Variants in AUTS2 observed in about 807,000 individuals in gnomAD.
AUTS2 encodes the protein autism susceptibility gene 2 protein.
A neutral mutation model predicts 112.4 loss-of-function variants in AUTS2; 17 were observed. That is an observed-to-expected ratio of 0.15 (90% CI 0.10 to 0.23). AUTS2 has a LOEUF of 0.23. AUTS2 is among the 10% of genes least tolerant of loss of function. The pLI, the probability that AUTS2 is intolerant of heterozygous loss-of-function variation, is 1.00. For synonymous variants in AUTS2, 751 were observed against 702.7 expected, an observed-to-expected ratio of 1.07 and a Z score of -1.09; for missense variants, 1,510 against 1,701.6, an observed-to-expected ratio of 0.89 and a Z score of 1.98.
At chr7:70,092,172 T>C (rs1329791394) in intron 2 of AUTS2, among the ~76,000 whole-genome samples, 1 of 139,332 alleles carries the variant, frequency 7.2e-6, no homozygotes, top group Non-Finnish European at 1.6e-5. Flanking sequence ...TCCTTTTTAA[T>C]AAACCAGCTT....
intron 5 of AUTS2, among the ~76,000 whole-genome samples, chr7:70,579,905 T>TA (rs1802355516): frequency 6.6e-6 from 1 of 152,198 alleles, no homozygotes; most frequent in South Asian, 2.1e-4. Context: ...ACATGATTCA[T>TA]AATCAGTCTG....
chr7:70,242,538 G>C (rs987663910), intron 4 of AUTS2, among the ~76,000 whole-genome samples: 1 of 152,186 alleles, frequency 6.6e-6, no homozygotes, highest in African/African-American at 2.4e-5. Context: ...TGAAGTGCCT[G>C]ACATGCAGTA....
intron 4 of AUTS2, among the ~76,000 whole-genome samples, chr7:70,397,230 A>T (rs1451276247): frequency 6.6e-6 from 1 of 151,706 alleles, no homozygotes; most frequent in Non-Finnish European, 1.5e-5. Context: ...TGTCTGGCTA[A>T]TTTTTTGTAT....
intron 1 of AUTS2, among the ~76,000 whole-genome samples, chr7:69,646,623 A>G (rs556404929): frequency 1.3e-5 from 2 of 152,352 alleles, no homozygotes; most frequent in East Asian, 1.9e-4. Flanking sequence ...ACAGAGGCTA[A>G]TAACAGACCA....
chr7:70,725,503 A>G (rs1786975013), intron 6 of AUTS2, among the ~76,000 whole-genome samples: 1 of 152,220 alleles, frequency 6.6e-6, no homozygotes, highest in African/African-American at 2.4e-5. Context: ...GACTGTCAAC[A>G]CCAAATGTAC....
At chr7:70,352,671 C>G (rs896107183) in intron 4 of AUTS2, among the ~76,000 whole-genome samples, 2 of 152,044 alleles carry the variant, frequency 1.3e-5, no homozygotes, top group Non-Finnish European at 2.9e-5. Context: ...TGTGCCCTCT[C>G]AGAACTTAAG....
At chr7:69,884,643 T>C (rs1241970296) in intron 1 of AUTS2, among the ~76,000 whole-genome samples, 1 of 152,218 alleles carries the variant, frequency 6.6e-6, no homozygotes, top group Non-Finnish European at 1.5e-5. Context: ...TCACTAAATC[T>C]ATCTATAGGA....
chr7:69,706,455 A>C (rs990349412), intron 1 of AUTS2, among the ~76,000 whole-genome samples: 1 of 152,208 alleles, frequency 6.6e-6, no homozygotes, highest in Admixed American at 6.5e-5. Context: ...GAAGTAGCTC[A>C]GAGACTTGCT....
chr7:70,596,175 G>A (rs1280001287), intron 5 of AUTS2: 2 of 152,962 alleles, frequency 1.3e-5, no homozygotes, highest in African/African-American at 4.8e-5. Context: ...GCGGGCCGGG[G>A]CGGGGCTGGG....
At chr7:70,285,377 G>A (rs1057243288) in intron 4 of AUTS2, among the ~76,000 whole-genome samples, 1 of 152,136 alleles carries the variant, frequency 6.6e-6, no homozygotes, top group African/African-American at 2.4e-5. Context: ...GTTAGTCAGT[G>A]TTTATTTTGT....
At chr7:70,110,667 T>G (rs1805026878) in intron 2 of AUTS2, among the ~76,000 whole-genome samples, 5 of 152,192 alleles carry the variant, frequency 3.3e-5, no homozygotes, top group Admixed American at 3.3e-4. Flanking sequence ...TAGCACAATT[T>G]TAAGTCATTT....
At chr7:69,933,920 T>G (rs1279268743) in intron 2 of AUTS2, among the ~76,000 whole-genome samples, 1 of 152,238 alleles carries the variant, frequency 6.6e-6, no homozygotes, top group East Asian at 1.9e-4. Context: ...CTTTCCGTAC[T>G]TAGAAGACTA....
chr7:70,539,998 A>C (rs993139644), intron 5 of AUTS2, among the ~76,000 whole-genome samples: 1 of 152,110 alleles, frequency 6.6e-6, no homozygotes, highest in Non-Finnish European at 1.5e-5. Flanking sequence ...TTTTCCAGCC[A>C]TTAGCTTTTT....
At chr7:70,375,703 A>C (rs1180881073) in intron 4 of AUTS2, among the ~76,000 whole-genome samples, 1 of 152,198 alleles carries the variant, frequency 6.6e-6, no homozygotes, top group East Asian at 1.9e-4. Flanking sequence ...TTTGAGCAAC[A>C]TTTGGAATAC....
chr7:70,482,798 T>C lies in AUTS2; in HGVS notation c.690+47017T>C, dbSNP rs573875898. On this transcript the variant is annotated intron_variant, in intron 5 of 18. Coordinates refer to ENST00000342771, the MANE Select transcript of AUTS2 (RefSeq NM_015570.4). Reference sequence around the variant, plus strand: ...GTTTATGCAGCCCCATTCCTGCTGCTTTCTCTAATAGTTCTGAAATGGCAA... The same window carrying C: ...GTTTATGCAGCCCCATTCCTGCTGCCTTCTCTAATAGTTCTGAAATGGCAA... 3.3e-5 allele frequency among the ~76,000 whole-genome samples: 5 copies of C among 152,306 alleles called. No homozygotes were observed. The South Asian group carries it at 1.0e-3, about 32-fold the overall frequency.
intron 4 of AUTS2, among the ~76,000 whole-genome samples, chr7:70,158,314 A>G (rs1807891749): frequency 6.6e-6 from 1 of 152,174 alleles, no homozygotes; most frequent in South Asian, 2.1e-4. Context: ...TTTGTGGAAG[A>G]TGGCTGTGTA....
At chr7:70,701,255 G>T (rs898716328) in intron 6 of AUTS2, among the ~76,000 whole-genome samples, 1 of 152,240 alleles carries the variant, frequency 6.6e-6, no homozygotes, top group Non-Finnish European at 1.5e-5. Flanking sequence ...TGGGGGTTGG[G>T]GGGGCGCAGC....
At chr7:70,394,481 A>G (rs1318082053) in intron 4 of AUTS2, among the ~76,000 whole-genome samples, 2 of 152,234 alleles carry the variant, frequency 1.3e-5, no homozygotes, top group African/African-American at 4.8e-5. Context: ...TTTGCCAACC[A>G]TAGTCCTAAA....
chr7:69,654,167 G>T (rs755263394), intron 1 of AUTS2, among the ~76,000 whole-genome samples: 2 of 152,054 alleles, frequency 1.3e-5, no homozygotes, highest in African/African-American at 2.4e-5. Flanking sequence ...TGCCCAATTT[G>T]CCAGGAAGAG....
Sources: gnomAD v4.1 joint callset for allele counts (sites outside exome capture counted in the v4.1 genomes callset) on GRCh38, gnomAD v4.1.1 for gene constraint, MANE v1.5 for transcripts, NCBI Gene and HGNC (gene_info 2026-07-23, HGNC 2026-07-21) for gene names.